Variants in FAT4 observed in about 807,000 individuals in gnomAD.
The protein encoded by FAT4 is protocadherin Fat 4.
In FAT4, 84 loss-of-function variants were observed where a neutral mutation model predicts 303.9. The ratio of observed to expected loss-of-function variants is 0.28; its 90% CI spans 0.23 to 0.33. FAT4 has a LOEUF of 0.33. Ranked by LOEUF, FAT4 falls within the 10% of genes least tolerant of loss-of-function variation. FAT4 has a pLI of 1.00. For synonymous variants in FAT4, 2,307 were observed against 2,298.8 expected (o/e 1.00, Z -0.10); for missense variants, 6,005 against 6,146.8 (o/e 0.98, Z 0.77).
intron 12 of FAT4, among the ~76,000 whole-genome samples, chr4:125,473,012 C>T (rs557285945): frequency 6.6e-6 from 1 of 152,164 alleles, no homozygotes; most frequent in South Asian, 2.1e-4. Context: ...CCAGCTGGAA[C>T]ATTTTTCTAA....
intron 2 of FAT4, among the ~76,000 whole-genome samples, chr4:125,374,941 CT>C (rs1422191285): frequency 6.6e-6 from 1 of 152,118 alleles, no homozygotes; most frequent in African/African-American, 2.4e-5. Context: ...AAAATGTAGG[CT>C]TGTTAGCATC....
chr4:125,365,419 TC>T (rs1732839369), intron 2 of FAT4, among the ~76,000 whole-genome samples: 1 of 152,210 alleles, frequency 6.6e-6, no homozygotes. Context: ...ATTCCTTGAC[TC>T]CTCTTTCTCT....
In FAT4 at chr4:125,318,740, G is replaced by A. The variant is rs1730780192; in HGVS notation, c.2329G>A (p.Ala777Thr). Residue 777 changes from alanine (A) to threonine (T), a missense_variant, in exon 2 of 18, where the codon GCA (alanine) becomes ACA (threonine). Physicochemically the swap from Ala to Thr is moderately conservative, Grantham distance 58. Transcript: ENST00000394329. ...TGGCAATTTACAATCTCCCAACCAGGCAATAGTAACCATCACTGTATTGGA... is the reference window on the plus strand; with the variant it reads ...TGGCAATTTACAATCTCCCAACCAGACAATAGTAACCATCACTGTATTGGA... ...DGGNLQSPNQ[A>T]IVTITVLDTQ... 2 of 1,613,854 alleles carry A rather than the reference G, an allele frequency of 1.2e-6. No individual in the cohort carries two copies.
intron 10 of FAT4, among the ~76,000 whole-genome samples, chr4:125,456,830 C>A (rs958933969): frequency 2.6e-5 from 4 of 152,074 alleles, no homozygotes; most frequent in African/African-American, 9.7e-5. Context: ...ATGTGTGCCT[C>A]ATAGAATGAT....
chr4:125,347,690 G>C (rs528882552), intron 2 of FAT4, among the ~76,000 whole-genome samples: 49 of 151,470 alleles, frequency 3.2e-4, no homozygotes, highest in Non-Finnish European at 5.2e-4. Context: ...CCACTTATCA[G>C]ACTACAATAG....
chr4:125,422,824 G>T (rs1198138680), intron 7 of FAT4, among the ~76,000 whole-genome samples: 1 of 152,112 alleles, frequency 6.6e-6, no homozygotes, highest in African/African-American at 2.4e-5. Context: ...AAAAATGTTG[G>T]AAAGTTTGGA....
intron 14 of FAT4, among the ~76,000 whole-genome samples, chr4:125,477,582 T>C (rs1021885724): frequency 4.0e-5 from 6 of 151,592 alleles, no homozygotes; most frequent in Non-Finnish European, 1.5e-5. Flanking sequence ...GGCATGTATA[T>C]GTTTTATCCT....
chr4:125,469,598 A>T (rs990725716), intron 12 of FAT4, among the ~76,000 whole-genome samples: 11 of 152,202 alleles, frequency 7.2e-5, no homozygotes, highest in African/African-American at 2.7e-4. Flanking sequence ...AGTAAGTTGT[A>T]TCTTAATAAA....
In FAT4 at chr4:125,434,271, A is replaced by C; in HGVS notation, c.7045A>C (p.Thr2349Pro). ...SGSPALTGTG[T>P]INVIVDDVND... ...ATCCCCTGCCTTGACTGGAACTGGAACAATCAACGTCATAGTAGATGATGT... is the reference window on the plus strand; with the variant it reads ...ATCCCCTGCCTTGACTGGAACTGGACCAATCAACGTCATAGTAGATGATGT... The change falls in exon 8 of 18, where the codon ACA becomes CCA. Residue 2349 changes from threonine (T) to proline (P), a missense_variant. By Grantham distance (38) the Thr-to-Pro change is conservative (BLOSUM62 -1). Coordinates refer to ENST00000394329, the MANE Select transcript of FAT4 (RefSeq NM_001291303.3). 6.2e-7 allele frequency: 1 copy of C among 1,613,780 alleles called. No homozygotes were observed. Among genetic ancestry groups the C allele is most frequent in the South Asian group, 1.1e-5 (1 of 91,030 alleles).
chr4:125,354,248 A>G (rs1451769500), intron 2 of FAT4, among the ~76,000 whole-genome samples: 1 of 151,738 alleles, frequency 6.6e-6, no homozygotes, highest in Non-Finnish European at 1.5e-5. Flanking sequence ...CTGGTGTTAA[A>G]TTAATATAAA....
At chr4:125,470,038 T>C (rs964283265) in intron 12 of FAT4, among the ~76,000 whole-genome samples, 2 of 152,222 alleles carry the variant, frequency 1.3e-5, no homozygotes, top group Non-Finnish European at 2.9e-5. Context: ...GTCTGGATGC[T>C]GTGTTAGCAA....
At chr4:125,480,284 A>T (rs927172136) in intron 15 of FAT4, among the ~76,000 whole-genome samples, 3 of 152,160 alleles carry the variant, frequency 2.0e-5, no homozygotes, top group South Asian at 2.1e-4. Context: ...TCAAAACATC[A>T]TACAGAGCCA....
At chr4:125,486,934 G>T (rs990485693) in intron 16 of FAT4, among the ~76,000 whole-genome samples, 2 of 151,962 alleles carry the variant, frequency 1.3e-5, no homozygotes, top group Non-Finnish European at 2.9e-5. Context: ...TTTTGCAAGT[G>T]GTTTTCACAA....
intron 12 of FAT4, among the ~76,000 whole-genome samples, chr4:125,469,154 A>T (rs188638597): frequency 6.6e-6 from 1 of 152,338 alleles, no homozygotes; most frequent in African/African-American, 2.4e-5. Context: ...CTGAAGAAAC[A>T]ATTTAGGAAC....
chr4:125,317,934 C>G lies in FAT4; in HGVS notation c.1523C>G (p.Ala508Gly). ...ACTGATGGCGACTCTGGTCTCAATG[C>G]TAATCTGCGTTACAGCATTGTCTCT... ...SATDGDSGLN[A>G]NLRYSIVSGN... Residue 508 changes from alanine (A) to glycine (G), a missense_variant, in exon 2 of 18, where the codon GCT (alanine) becomes GGT (glycine). Physicochemically the swap from Ala to Gly is moderately conservative, Grantham distance 60. Transcript: ENST00000394329. The surrounding 1 kb of genome is among the most constrained non-coding windows in gnomAD (Gnocchi z 7.0). 1 of 1,614,164 alleles carries G rather than the reference C, an allele frequency of 6.2e-7. No homozygotes were observed. Among genetic ancestry groups the G allele is most frequent in the Admixed American group, 1.7e-5 (1 of 60,028 alleles).
intron 7 of FAT4, among the ~76,000 whole-genome samples, chr4:125,424,148 T>G (rs1725002915): frequency 1.3e-5 from 2 of 152,074 alleles, no homozygotes; most frequent in Admixed American, 1.3e-4. Flanking sequence ...GACATGAGAT[T>G]TGAGAGGGGC....
Position 125,489,887 on chromosome 4 carries a change from T to G in FAT4, c.13085-14T>G. ...TTTTTTTGTAAAAAGCCTTACTCCT[T>G]CTTCTTCTCCCAGCAGGTTTTGATG... On this transcript the variant is annotated splice_polypyrimidine_tract_variant and intron_variant, in intron 17 of 17. Transcript: ENST00000394329. 9.3e-7 allele frequency: 1 copy of G among 1,072,628 alleles called. No homozygotes were observed. 66.4% of individuals were successfully genotyped at this position (1,072,628 alleles called of 1,614,324 possible).
At chr4:125,439,392 T>A (rs1226984128) in intron 8 of FAT4, among the ~76,000 whole-genome samples, 3 of 151,380 alleles carry the variant, frequency 2.0e-5, no homozygotes, top group African/African-American at 7.3e-5. Flanking sequence ...GCGTGCTGCG[T>A]CGTGATCTCA....
intron 2 of FAT4, among the ~76,000 whole-genome samples, chr4:125,396,173 G>A (rs962329931): frequency 3.3e-5 from 5 of 151,930 alleles, no homozygotes; most frequent in Admixed American, 2.6e-4. Context: ...GCACTAGGTC[G>A]TTCCTTACCA....
Sources: gnomAD v4.1 joint callset for allele counts (sites outside exome capture counted in the v4.1 genomes callset) on GRCh38, gnomAD v4.1.1 for gene constraint, Gnocchi (gnomAD v3.1) non-coding constraint, MANE v1.5 for transcripts, NCBI Gene and HGNC (gene_info 2026-07-23, HGNC 2026-07-21) for gene names.